VWA8: variants seen among roughly 807,000 people sequenced by gnomAD.
VWA8 encodes the protein von Willebrand factor A domain containing 8.
In VWA8, 221 loss-of-function variants were observed where a neutral mutation model predicts 241.5. The ratio of observed to expected loss-of-function variants is 0.91; its 90% CI spans 0.82 to 1.02. The LOEUF (loss-of-function observed/expected upper bound fraction) is 1.02. Ranked by LOEUF, VWA8 falls within the 50% of genes least tolerant of loss-of-function variation. The pLI is 0.00. For missense variants in VWA8, 2,322 were observed against 2,328.7 expected (o/e 1.00, Z 0.06); for synonymous variants, 852 against 827.1 (o/e 1.03, Z -0.52).
At chr13:41,601,784 G>C (rs1409396225) in intron 40 of VWA8, among the ~76,000 whole-genome samples, 1 of 152,124 alleles carries the variant, frequency 6.6e-6, no homozygotes, top group African/African-American at 2.4e-5. Context: ...CTGCAACATA[G>C]GCACATGTTA....
At chr13:41,804,930 C>G (rs1429719539) in intron 17 of VWA8, among the ~76,000 whole-genome samples, 1 of 151,950 alleles carries the variant, frequency 6.6e-6, no homozygotes, top group East Asian at 1.9e-4. Flanking sequence ...AAATGAAAAG[C>G]AAGAAATTAA....
At chr13:41,757,786 TAGAAG>T (rs970035696) in intron 21 of VWA8, among the ~76,000 whole-genome samples, 14 of 151,614 alleles carry the variant, frequency 9.2e-5, no homozygotes, top group African/African-American at 3.4e-4. Flanking sequence ...TGATGGGTGA[TAGAAG>T]AAAGAAACAT....
chr13:41,938,703 G>A (rs929492721), intron 2 of VWA8, among the ~76,000 whole-genome samples: 1 of 151,768 alleles, frequency 6.6e-6, no homozygotes, highest in African/African-American at 2.4e-5. Flanking sequence ...CTTTCATAAT[G>A]AGAGGCAATT....
Position 41,778,062 on chromosome 13 carries a change from G to A in VWA8, c.2278-6C>T. On this transcript the variant is annotated splice_region_variant and splice_polypyrimidine_tract_variant and intron_variant, in intron 19 of 44. Coordinates refer to ENST00000379310, the MANE Select transcript of VWA8 (RefSeq NM_015058.2). Reference sequence around the variant, plus strand: ...TCTTCCATCACTATCACATGCTAGAGAAAAAGGAACTAGGGGTTAACTGTT... The same window carrying A: ...TCTTCCATCACTATCACATGCTAGAAAAAAAGGAACTAGGGGTTAACTGTT... The A allele has an allele frequency of 6.2e-7, 1 of 1,605,856 alleles. No individual in the cohort carries two copies. The highest frequency in any genetic ancestry group is 8.5e-7 in the Non-Finnish European group (1 of 1,176,868).
intron 40 of VWA8, among the ~76,000 whole-genome samples, chr13:41,591,408 C>A (rs553313974): frequency 2.2e-4 from 34 of 152,152 alleles, no homozygotes; most frequent in African/African-American, 7.7e-4. Flanking sequence ...TATAGTATCC[C>A]AATCAAGGCA....
At chr13:41,897,271 CAAAAG>C (rs1482155566) in intron 4 of VWA8, among the ~76,000 whole-genome samples, 1 of 151,900 alleles carries the variant, frequency 6.6e-6, no homozygotes, top group East Asian at 1.9e-4. Context: ...AGACATTTCT[CAAAAG>C]AAGACGTACA....
At chr13:41,780,569 C>T (rs1868844900) in intron 19 of VWA8, among the ~76,000 whole-genome samples, 1 of 152,138 alleles carries the variant, frequency 6.6e-6, no homozygotes, top group Non-Finnish European at 1.5e-5. Context: ...CTGCATCTAC[C>T]CTTTCTTTTC....
chr13:41,864,118 C>T (rs924744962), intron 12 of VWA8, among the ~76,000 whole-genome samples: 2 of 147,798 alleles, frequency 1.4e-5, no homozygotes. Context: ...ATTACCACTT[C>T]GCAGCCATTA....
rs143899409 is a variant in VWA8, at chr13:41,949,532, G to A, written c.241+404C>T. On this transcript the variant is annotated intron_variant, in intron 2 of 44. Coordinates refer to ENST00000379310, the MANE Select transcript of VWA8 (RefSeq NM_015058.2). ...GGAGAAGTATCTAATGTAGATGACCGGTTGATGGGTGCAGCAAACCACCAT... is the reference window on the plus strand; with the variant it reads ...GGAGAAGTATCTAATGTAGATGACCAGTTGATGGGTGCAGCAAACCACCAT... Among the ~76,000 whole-genome samples, 1,306 of 152,144 alleles carry A rather than the reference G, an allele frequency of 8.6e-3. 12 individuals are homozygous for A. Among genetic ancestry groups the A allele is most frequent in the Non-Finnish European group, 0.015 (995 of 68,000 alleles).
intron 9 of VWA8, among the ~76,000 whole-genome samples, chr13:41,875,131 T>C (rs1873837133): frequency 6.6e-6 from 1 of 152,264 alleles, no homozygotes; most frequent in Non-Finnish European, 1.5e-5. Context: ...AAATCATTGA[T>C]GTTTTAATCA....
intron 17 of VWA8, among the ~76,000 whole-genome samples, chr13:41,795,636 C>T (rs2137953786): frequency 6.6e-6 from 1 of 152,248 alleles, no homozygotes; most frequent in Admixed American, 6.5e-5. Context: ...GAGATAATGT[C>T]CTTTGCAGGG....
At chr13:41,939,310 G>T (rs1008631384) in intron 2 of VWA8, among the ~76,000 whole-genome samples, 7 of 152,206 alleles carry the variant, frequency 4.6e-5, no homozygotes, top group Non-Finnish European at 8.8e-5. Context: ...AAGCATGAAA[G>T]AATCCCTTTT....
chr13:41,583,400 T>C (rs1474367670), intron 42 of VWA8, among the ~76,000 whole-genome samples: 1 of 151,950 alleles, frequency 6.6e-6, no homozygotes, highest in East Asian at 1.9e-4. Context: ...TCCCAGCACT[T>C]TGGGGGGCCA....
At chr13:41,746,587 G>A (rs577491010) in intron 21 of VWA8, among the ~76,000 whole-genome samples, 8 of 152,254 alleles carry the variant, frequency 5.3e-5, no homozygotes, top group African/African-American at 1.9e-4. Context: ...TTTGGTAAAC[G>A]TTTTTATGAA....
intron 29 of VWA8, among the ~76,000 whole-genome samples, chr13:41,694,239 G>A (rs1181949363): frequency 6.6e-6 from 1 of 151,736 alleles, no homozygotes; most frequent in Non-Finnish European, 1.5e-5. Flanking sequence ...TCTCAGTGTG[G>A]GTTTAATTTT....
intron 37 of VWA8, among the ~76,000 whole-genome samples, chr13:41,632,460 T>G (rs1405225163): frequency 6.6e-6 from 1 of 152,186 alleles, no homozygotes; most frequent in Admixed American, 6.5e-5. Flanking sequence ...TGGAAGCACC[T>G]ACATGCAAAA....
intron 17 of VWA8, among the ~76,000 whole-genome samples, chr13:41,805,383 T>C (rs948332804): frequency 1.2e-3 from 177 of 152,204 alleles, no homozygotes; most frequent in Non-Finnish European, 2.2e-3. Flanking sequence ...ATTTTAAATA[T>C]ATATGCACCC....
chr13:41,864,611 G>A (rs1363342235), intron 12 of VWA8: 2 of 442,568 alleles, frequency 4.5e-6, no homozygotes, highest in Non-Finnish European at 9.0e-6. Flanking sequence ...CCATTTATAT[G>A]AGGTACCTAG....
intron 20 of VWA8, among the ~76,000 whole-genome samples, chr13:41,761,639 T>C (rs151278737): frequency 1.3e-5 from 2 of 152,228 alleles, no homozygotes; most frequent in East Asian, 1.9e-4. Flanking sequence ...GTAAATATAA[T>C]ACTGTATTTT....
Sources: allele counts gnomAD v4.1 joint callset (sites outside exome capture counted in the v4.1 genomes callset), GRCh38; gene constraint gnomAD v4.1.1; transcripts MANE v1.5; gene names NCBI Gene and HGNC (gene_info 2026-07-23, HGNC 2026-07-21).